The following MARK1 variants were observed in gnomAD, a reference collection of about 807,000 sequenced individuals.
MARK1 encodes the protein microtubule affinity regulating kinase 1.
A neutral mutation model predicts 96.3 loss-of-function variants in MARK1; 40 were observed. The observed-to-expected ratio is 0.42, with a 90% CI of 0.32 to 0.54. MARK1 has a LOEUF of 0.54. MARK1 is among the 20% of genes least tolerant of loss of function. MARK1 has a pLI of 0.16. For missense variants in MARK1, 719 were observed against 984.6 expected, an observed-to-expected ratio of 0.73 and a Z score of 3.61; for synonymous variants, 317 against 341.2, an observed-to-expected ratio of 0.93 and a Z score of 0.78.
intron 1 of MARK1, among the ~76,000 whole-genome samples, chr1:220,578,844 CTTTAT>C (rs1402789521): frequency 6.6e-6 from 1 of 151,968 alleles, no homozygotes; most frequent in Non-Finnish European, 1.5e-5. Flanking sequence ...GAATATTTCA[CTTTAT>C]TTTATTTTTT....
chr1:220,623,370 G>A (rs772998830), intron 9 of MARK1, among the ~76,000 whole-genome samples: 3 of 152,098 alleles, frequency 2.0e-5, no homozygotes, highest in African/African-American at 4.8e-5. Context: ...TCCATACTTC[G>A]TTGCTTTCTA....
rs66795891 is a variant in MARK1 at position 220,592,219 on chromosome 1, C to CATATTATATTATATT, written c.310-6073_310-6059dup. 9.4e-3 allele frequency among the ~76,000 whole-genome samples: 1,290 copies of CATATTATATTATATT among 136,510 alleles called. 12 individuals carry two copies. The highest frequency in any genetic ancestry group is 0.023 in the East Asian group (106 of 4,648). The allele number at this position is 136,510 out of a possible 152,430, so 89.6% of individuals were successfully genotyped here. A position where few individuals can be genotyped will look rare whatever the true frequency, so the allele number is the denominator to read the frequency against. ...TGGAATTTCACTGTCATGATTATAT[C>CATATTATATTATATT]ATATTATATTATATTATATTATATT... is the stretch of plus-strand genomic sequence containing the variant. On this transcript the variant is annotated intron_variant, in intron 3 of 17. Coordinates refer to ENST00000366917, the MANE Select transcript of MARK1 (RefSeq NM_018650.5).
chr1:220,542,823 C>T (rs1264394827), intron 1 of MARK1, among the ~76,000 whole-genome samples: 1 of 152,074 alleles, frequency 6.6e-6, no homozygotes, highest in Non-Finnish European at 1.5e-5. Context: ...TGATATCATG[C>T]CTACTGCACT....
At chr1:220,638,744 T>C (rs988021531) in intron 13 of MARK1, among the ~76,000 whole-genome samples, 1 of 152,224 alleles carries the variant, frequency 6.6e-6, no homozygotes, top group Non-Finnish European at 1.5e-5. Flanking sequence ...AGCCACATAA[T>C]ACTATAATAT....
chr1:220,598,702 AT>A (rs1665542613), intron 4 of MARK1, among the ~76,000 whole-genome samples: 1 of 151,952 alleles, frequency 6.6e-6, no homozygotes, highest in Admixed American at 6.6e-5. Flanking sequence ...TTAAAAAAAA[AT>A]GTCTTTCTGG....
intron 6 of MARK1, among the ~76,000 whole-genome samples, chr1:220,605,439 C>A (rs904128167): frequency 9.9e-5 from 15 of 151,914 alleles, no homozygotes; most frequent in Admixed American, 7.2e-4. Context: ...TTCAAGCTTA[C>A]CCTTAAATAA....
In MARK1 at chr1:220,652,164, T is replaced by C; in HGVS notation, c.1736+14T>C. On this transcript the variant is annotated intron_variant, in intron 15 of 17. Transcript: ENST00000366917. The stretch of plus-strand genomic sequence containing the variant: ...TTACCGGCCTGGGTAATGTGTTGGT[T>C]ACATCTCATTTTGTTCATTAAGAGT... 6.3e-7 allele frequency: 1 copy of C among 1,579,888 alleles called. No homozygotes were observed. The highest frequency in any genetic ancestry group is 8.7e-7 in the Non-Finnish European group (1 of 1,153,534).
intron 2 of MARK1, among the ~76,000 whole-genome samples, chr1:220,580,848 A>G (rs1558273939): frequency 6.6e-6 from 1 of 152,202 alleles, no homozygotes; most frequent in Non-Finnish European, 1.5e-5. Flanking sequence ...CAAAGCTTTC[A>G]TTTCATTGGC....
chr1:220,577,670 G>GA (rs1421500311), intron 1 of MARK1, among the ~76,000 whole-genome samples: 1 of 152,190 alleles, frequency 6.6e-6, no homozygotes, highest in Non-Finnish European at 1.5e-5. Context: ...ATAACACTGT[G>GA]AAAACTATTG....
intron 9 of MARK1, among the ~76,000 whole-genome samples, chr1:220,622,664 A>C (rs1482046895): frequency 6.6e-6 from 1 of 152,180 alleles, no homozygotes; most frequent in Admixed American, 6.5e-5. Context: ...TGGGAGGCCA[A>C]GGCGGGCAGA....
Position 220,654,208 on chromosome 1 carries a change from A to C in MARK1, c.1988+856A>C, listed in dbSNP as rs1478489547. Among the ~76,000 whole-genome samples, 1 of 152,246 alleles carries C rather than the reference A, an allele frequency of 6.6e-6. No homozygotes were observed. The highest frequency in any genetic ancestry group is 2.4e-5 in the African/African-American group (1 of 41,468). Reference sequence around the variant, plus strand: ...AACATGCTGGATTCCAGAGGAAGACACAATTGTTTCTATCTAGGGAGACAG... The same window carrying C: ...AACATGCTGGATTCCAGAGGAAGACCCAATTGTTTCTATCTAGGGAGACAG... On this transcript the variant is annotated intron_variant, in intron 16 of 17. Transcript: ENST00000366917. This position sits in a 1 kb window ranked among gnomAD's most constrained non-coding sequence, Gnocchi z 4.0.
intron 10 of MARK1, among the ~76,000 whole-genome samples, chr1:220,631,771 T>A (rs1667693832): frequency 6.6e-6 from 1 of 151,714 alleles, no homozygotes; most frequent in Non-Finnish European, 1.5e-5. Flanking sequence ...GAAATTCAAA[T>A]CTCCCAAAGA....
At chr1:220,541,027 C>T (rs1034573555) in intron 1 of MARK1, among the ~76,000 whole-genome samples, 1 of 151,710 alleles carries the variant, frequency 6.6e-6, no homozygotes, top group Non-Finnish European at 1.5e-5. Flanking sequence ...TCTGCTTCCT[C>T]GGTTCAAGTG....
chr1:220,529,273 C>G (rs963873125), intron 1 of MARK1, among the ~76,000 whole-genome samples: 9 of 152,308 alleles, frequency 5.9e-5, no homozygotes, highest in African/African-American at 2.2e-4. Flanking sequence ...ACCTCTCACA[C>G]TCTTGCTTTT....
rs545890262 is a variant in MARK1 at position 220,560,365 on chromosome 1, T to C, written c.52-18989T>C. ...TTCTTTTTCCTCCTTTGCAACTTCATGGTTAGATTTGTTCTTCCCATGGAT... is the reference window on the plus strand; with the variant it reads ...TTCTTTTTCCTCCTTTGCAACTTCACGGTTAGATTTGTTCTTCCCATGGAT... On this transcript the variant is annotated intron_variant, in intron 1 of 17. Coordinates refer to ENST00000366917, the MANE Select transcript of MARK1 (RefSeq NM_018650.5). Among the ~76,000 whole-genome samples, 6 of 152,312 alleles carry C rather than the reference T, an allele frequency of 3.9e-5. No individual in the cohort carries two copies. In the East Asian group the frequency reaches 1.2e-3, roughly 29 times the overall value.
At chr1:220,620,222 A>G (rs190003411) in intron 9 of MARK1, among the ~76,000 whole-genome samples, 4 of 152,352 alleles carry the variant, frequency 2.6e-5, no homozygotes, top group African/African-American at 9.6e-5. Context: ...GGGTTAAAAA[A>G]AATGAGTTAA....
At chr1:220,546,242 T>TAACA (rs1302450362) in intron 1 of MARK1, among the ~76,000 whole-genome samples, 2 of 152,216 alleles carry the variant, frequency 1.3e-5, no homozygotes, top group East Asian at 3.8e-4. Flanking sequence ...CTTATAGTTT[T>TAACA]AACAAACATC....
At chr1:220,649,118 G>T (rs555563472) in intron 13 of MARK1, among the ~76,000 whole-genome samples, 2 of 152,296 alleles carry the variant, frequency 1.3e-5, no homozygotes, top group East Asian at 3.9e-4. Flanking sequence ...TTCAAACTGT[G>T]AAATACGGAT....
In MARK1 at chr1:220,618,223, T is replaced by A; in HGVS notation, c.553-87T>A. 1 of 820,250 alleles carries A rather than the reference T, an allele frequency of 1.2e-6. No homozygotes were observed. Among genetic ancestry groups the A allele is most frequent in the Non-Finnish European group, 2.0e-6 (1 of 504,672 alleles). 50.8% of individuals were successfully genotyped at this position (820,250 alleles called of 1,614,324 possible). On this transcript the variant is annotated intron_variant, in intron 7 of 17. Transcript: ENST00000366917. This position sits in a 1 kb window ranked among gnomAD's most constrained non-coding sequence, Gnocchi z 4.6. ...ATTTAGAAATGAGGGGCAAGAGATA[T>A]GTAAGTTTGGAAGCTAAAACTCTTT...
Sources: allele counts gnomAD v4.1 joint callset (sites outside exome capture counted in the v4.1 genomes callset), GRCh38; gene constraint gnomAD v4.1.1; non-coding constraint Gnocchi (gnomAD v3.1); transcripts MANE v1.5; gene names NCBI Gene and HGNC (gene_info 2026-07-23, HGNC 2026-07-21).